The following MIGA1 variants were observed in gnomAD, a reference collection of about 807,000 sequenced individuals.
MIGA1 encodes the protein mitoguardin 1.
Under a neutral mutation model 82.0 loss-of-function variants are expected in MIGA1, and 58 were observed. The observed-to-expected ratio is 0.71, with a 90% CI of 0.57 to 0.88. The LOEUF (loss-of-function observed/expected upper bound fraction) is 0.88. Among genes scored for constraint, MIGA1 ranks in the 40% least tolerant of loss-of-function variants. MIGA1 has a pLI of 0.00. For synonymous variants in MIGA1, 249 were observed against 253.6 expected (o/e 0.98, Z 0.17); for missense variants, 751 against 749.1 (o/e 1.00, Z -0.03).
intron 7 of MIGA1, among the ~76,000 whole-genome samples, chr1:77,818,878 G>A (rs1386307909): frequency 1.3e-5 from 2 of 151,892 alleles, no homozygotes; most frequent in African/African-American, 2.4e-5. Context: ...TCGGGAGTTC[G>A]AGACCAGCCT....
At chr1:77,856,355 T>C (rs893599672) in intron 8 of MIGA1, among the ~76,000 whole-genome samples, 1 of 152,198 alleles carries the variant, frequency 6.6e-6, no homozygotes, top group African/African-American at 2.4e-5. Context: ...TGTAGTTTTG[T>C]TTTTTGGTTA....
chr1:77,815,509 G>T (rs1431191135), intron 7 of MIGA1, among the ~76,000 whole-genome samples: 1 of 152,018 alleles, frequency 6.6e-6, no homozygotes, highest in Non-Finnish European at 1.5e-5. Context: ...TAAGAGTGTT[G>T]GAGGGAGAAA....
At chr1:77,858,856 A>C (rs2101934101) in intron 8 of MIGA1, 82 bp from the exon 9 acceptor site, 1 of 766,112 alleles carries the variant, frequency 1.3e-6, no homozygotes, top group East Asian at 2.5e-5. Flanking sequence ...CTGGGTTCAA[A>C]TGATCCTCCC....
At chr1:77,788,747 G>A (rs1682284474) in intron 2 of MIGA1, among the ~76,000 whole-genome samples, 1 of 152,160 alleles carries the variant, frequency 6.6e-6, no homozygotes, top group Admixed American at 6.5e-5. Context: ...ATCATTTGAT[G>A]ATATATGTGA....
In MIGA1 at chr1:77,779,708, G is replaced by A; in HGVS notation, c.53G>A (p.Arg18Lys). Residue 18 changes from arginine to lysine, a missense_variant, in exon 1 of 16, where the codon AGG becomes AAG. Around this residue, in one of 3 missense-constraint regions of MIGA1, gnomAD observed 482 missense variants for 439.4 expected, o/e 1.10. Coordinates refer to ENST00000370791, the MANE Select transcript of MIGA1 (RefSeq NM_198549.4). ...ATCAGCTGGGAAGCTGGCGTGGGCA[G>A]GCCAGCTGTACCTGGCCTGGAGCTC... 6.3e-7 allele frequency: 1 copy of A among 1,587,606 alleles called. No homozygotes were observed. Among genetic ancestry groups the A allele is most frequent in the Non-Finnish European group, 8.6e-7 (1 of 1,167,208 alleles).
In MIGA1 at chr1:77,801,352, A is replaced by G; in HGVS notation, c.217A>G (p.Lys73Glu). 2 of 1,555,902 alleles carry G rather than the reference A, an allele frequency of 1.3e-6. No individual in the cohort carries two copies. The highest frequency in any genetic ancestry group is 1.7e-4 in the Middle Eastern group (1 of 5,746). ...CCAGATCAAATTTTCTCCGGTGGCT[A>G]AAAAGTTGTTTGTGGTAACTGCAGT... Residue 73 changes from lysine (K) to glutamate (E), a missense_variant, in exon 3 of 16, where the codon AAA becomes GAA. By Grantham distance (56) the Lys-to-Glu change is moderately conservative. This residue lies in a region of MIGA1 where 482 missense variants were observed against 439.4 expected (regional missense o/e 1.10). Coordinates refer to ENST00000370791, the MANE Select transcript of MIGA1 (RefSeq NM_198549.4).
chr1:77,834,024 G>A (rs1446413631), intron 7 of MIGA1, among the ~76,000 whole-genome samples: 1 of 152,218 alleles, frequency 6.6e-6, no homozygotes, highest in African/African-American at 2.4e-5. Flanking sequence ...GACAACTATT[G>A]TGGAAATCTT....
At chr1:77,814,514 A>C (rs1683500095) in intron 6 of MIGA1, among the ~76,000 whole-genome samples, 2 of 152,204 alleles carry the variant, frequency 1.3e-5, no homozygotes, top group Admixed American at 1.3e-4. Context: ...CTTCTGCCTC[A>C]GTCTCCCAAG....
chr1:77,845,807 A>C (rs1292747369), intron 8 of MIGA1, among the ~76,000 whole-genome samples: 1 of 152,218 alleles, frequency 6.6e-6, no homozygotes, highest in Non-Finnish European at 1.5e-5. Flanking sequence ...GATTACCAGA[A>C]AGATTTCTTG....
intron 4 of MIGA1, among the ~76,000 whole-genome samples, chr1:77,804,622 ATT>A (rs112712682): frequency 5.6e-5 from 8 of 143,838 alleles, no homozygotes; most frequent in East Asian, 2.0e-4. Context: ...AACATTAACA[ATT>A]TTTTTTTTTT....
chr1:77,862,691 A>G (rs2101946527), intron 12 of MIGA1, among the ~76,000 whole-genome samples: 1 of 152,034 alleles, frequency 6.6e-6, no homozygotes, highest in South Asian at 2.1e-4. Context: ...ATGAAATCCC[A>G]GCACTTTGGG....
chr1:77,830,667 A>G (rs1684210270), intron 7 of MIGA1, among the ~76,000 whole-genome samples: 1 of 152,186 alleles, frequency 6.6e-6, no homozygotes, highest in African/African-American at 2.4e-5. Flanking sequence ...CTGTGTCAGA[A>G]AGAGGACCAT....
intron 7 of MIGA1, among the ~76,000 whole-genome samples, chr1:77,841,189 A>AT (rs1223894524): frequency 6.6e-6 from 1 of 152,166 alleles, no homozygotes; most frequent in Admixed American, 6.5e-5. Context: ...ATTTTATCCC[A>AT]TTAATAGTCA....
chr1:77,800,232 AG>A (rs1217028264), intron 2 of MIGA1, among the ~76,000 whole-genome samples: 1 of 152,180 alleles, frequency 6.6e-6, no homozygotes, highest in Non-Finnish European at 1.5e-5. Flanking sequence ...AAGATATGCA[AG>A]AAAGGTGTGG....
At chr1:77,858,060 A>G (rs912994689) in intron 8 of MIGA1, among the ~76,000 whole-genome samples, 4 of 152,154 alleles carry the variant, frequency 2.6e-5, no homozygotes, top group African/African-American at 9.7e-5. Flanking sequence ...TATAAGATAC[A>G]GTATTGCTGG....
At chr1:77,812,016 A>G (rs1683358769) in intron 5 of MIGA1, among the ~76,000 whole-genome samples, 1 of 152,226 alleles carries the variant, frequency 6.6e-6, no homozygotes. Context: ...CCTGCATTTC[A>G]TTTTAAGAAA....
At chr1:77,851,441 A>G (rs1303164381) in intron 8 of MIGA1, among the ~76,000 whole-genome samples, 1 of 152,214 alleles carries the variant, frequency 6.6e-6, no homozygotes, top group African/African-American at 2.4e-5. Context: ...TGCTTCTGAA[A>G]TAACTTCTCA....
Position 77,838,008 on chromosome 1 carries a change from T to G in MIGA1, c.896-5299T>G, listed in dbSNP as rs116989003. On this transcript the variant is annotated intron_variant, in intron 7 of 15. Coordinates refer to ENST00000370791, the MANE Select transcript of MIGA1 (RefSeq NM_198549.4). ...TGATTTACAGCATCATTGGCAACAC[T>G]GAAATATAGAAAGCATTCATTGTCT... Among the ~76,000 whole-genome samples the G allele has an allele frequency of 5.3e-5, 8 of 152,358 alleles. No homozygotes were observed. In the East Asian group the frequency reaches 1.5e-3, roughly 29 times the overall value.
chr1:77,816,626 G>A (rs1683582826), intron 7 of MIGA1, among the ~76,000 whole-genome samples: 2 of 152,260 alleles, frequency 1.3e-5, no homozygotes, highest in Non-Finnish European at 1.5e-5. Flanking sequence ...TATTAGACTT[G>A]AGTGTTTTTT....
Sources: gnomAD v4.1 joint callset for allele counts (sites outside exome capture counted in the v4.1 genomes callset) on GRCh38, gnomAD v4.1.1 for gene constraint, gnomAD v4.1.1 regional missense constraint, MANE v1.5 for transcripts, NCBI Gene and HGNC (gene_info 2026-07-23, HGNC 2026-07-21) for gene names.